The following YES1 variants were observed in gnomAD, a reference collection of about 807,000 sequenced individuals.
YES1 encodes the protein tyrosine-protein kinase Yes.
YES1 carries 39 observed loss-of-function variants against 70.4 expected under a neutral mutation model. That is an observed-to-expected ratio of 0.55 (90% CI 0.43 to 0.72). The LOEUF (loss-of-function observed/expected upper bound fraction) is 0.72. Among genes scored for constraint, YES1 ranks in the 30% least tolerant of loss-of-function variants. The probability of loss-of-function intolerance (pLI) is 0.00; values close to 1 mark genes in which losing one functional copy is unlikely to be tolerated. For synonymous variants in YES1, 198 were observed against 218.6 expected (o/e 0.91, Z 0.83); for missense variants, 495 against 644.8 (o/e 0.77, Z 2.52).
chr18:790,617 G>C (rs2145815515), intron 1 of YES1, among the ~76,000 whole-genome samples: 1 of 152,242 alleles, frequency 6.6e-6, no homozygotes, highest in East Asian at 1.9e-4. Context: ...AGCCACAGAT[G>C]ATTTGAAAAG....
chr18:733,439 G>A (rs1224188478), intron 10 of YES1, among the ~76,000 whole-genome samples: 1 of 152,072 alleles, frequency 6.6e-6, no homozygotes, highest in Non-Finnish European at 1.5e-5. Flanking sequence ...AATACTTACT[G>A]TATATCTTTT....
chr18:766,133 G>A (rs188291174), intron 1 of YES1, among the ~76,000 whole-genome samples: 1 of 152,008 alleles, frequency 6.6e-6, no homozygotes, highest in African/African-American at 2.4e-5. Context: ...TCCTTCTTAC[G>A]TTTGCCAAGT....
At chr18:774,426 G>T (rs1905282879) in intron 1 of YES1, among the ~76,000 whole-genome samples, 4 of 152,130 alleles carry the variant, frequency 2.6e-5, no homozygotes, top group Admixed American at 2.6e-4. Context: ...ACGTCTAAAA[G>T]GATTTCAAAT....
At chr18:732,157 T>G (rs76153080) in intron 11 of YES1, among the ~76,000 whole-genome samples, 17,895 of 150,296 alleles carry the variant, frequency 0.12, 1,176 homozygotes, top group East Asian at 0.28. Flanking sequence ...AAATATACCA[T>G]GATGGGCACG....
At chr18:779,239 CA>C (rs1905533759) in intron 1 of YES1, among the ~76,000 whole-genome samples, 1 of 151,612 alleles carries the variant, frequency 6.6e-6, no homozygotes, top group Non-Finnish European at 1.5e-5. Context: ...CCCGTCCCGG[CA>C]AAAAATTTTT....
chr18:774,457 A>G (rs183130352), intron 1 of YES1, among the ~76,000 whole-genome samples: 1 of 152,116 alleles, frequency 6.6e-6, no homozygotes, highest in Non-Finnish European at 1.5e-5. Flanking sequence ...CAAGAAACCT[A>G]ATCTTCCTCC....
chr18:772,013 T>C (rs1376625877), intron 1 of YES1, among the ~76,000 whole-genome samples: 1 of 151,672 alleles, frequency 6.6e-6, no homozygotes, highest in East Asian at 1.9e-4. Flanking sequence ...AGTCTGATCG[T>C]ACACCACAAA....
At chr18:756,193 A>C (rs1288295168) in intron 2 of YES1, among the ~76,000 whole-genome samples, 1 of 152,104 alleles carries the variant, frequency 6.6e-6, no homozygotes, top group Non-Finnish European at 1.5e-5. Context: ...AGACTTTAAT[A>C]CTGCAAAGTA....
At chr18:734,580 C>G (rs778089345) in intron 10 of YES1, among the ~76,000 whole-genome samples, 1 of 151,396 alleles carries the variant, frequency 6.6e-6, no homozygotes, top group African/African-American at 2.4e-5. Flanking sequence ...ACAAAAAAAA[C>G]CAGGAGCAAC....
chr18:752,095 T>G (rs575208946), intron 2 of YES1, among the ~76,000 whole-genome samples: 1 of 152,158 alleles, frequency 6.6e-6, no homozygotes, highest in Non-Finnish European at 1.5e-5. Context: ...TCTGTAGACT[T>G]GGAGAAACAA....
At chr18:793,333 C>G (rs1906372606) in intron 1 of YES1, among the ~76,000 whole-genome samples, 1 of 152,054 alleles carries the variant, frequency 6.6e-6, no homozygotes, top group Admixed American at 6.6e-5. Flanking sequence ...GCCACCGCGC[C>G]TGGCCATTAT....
chr18:742,223 A>C (rs1050284630), intron 8 of YES1, among the ~76,000 whole-genome samples: 3 of 152,180 alleles, frequency 2.0e-5, no homozygotes, highest in Non-Finnish European at 2.9e-5. Context: ...GAAAAAGAGG[A>C]AAGAGTATCA....
At chr18:745,387 TTTAC>T (rs2145713221) in intron 6 of YES1, among the ~76,000 whole-genome samples, 1 of 152,308 alleles carries the variant, frequency 6.6e-6, no homozygotes, top group South Asian at 2.1e-4. Flanking sequence ...AATGTTTAGT[TTTAC>T]TTACTAAGTG....
At chr18:795,216 C>T (rs1309764705) in intron 1 of YES1, among the ~76,000 whole-genome samples, 1 of 152,136 alleles carries the variant, frequency 6.6e-6, no homozygotes, top group Non-Finnish European at 1.5e-5. Context: ...AACTGTACTG[C>T]AGTTGTATAA....
chr18:742,913 C>T lies in YES1; in HGVS notation c.1060+5G>A, dbSNP rs1180419138. ...ACAAATACCTAAGGAGATACTAATA[C>T]ATACCTTTTGACATAAATTCAGTGA... On this transcript the variant is annotated splice_donor_5th_base_variant and intron_variant, in intron 8 of 11. Transcript: ENST00000314574. 5 of 1,579,966 alleles carry T rather than the reference C, an allele frequency of 3.2e-6. No individual in the cohort carries two copies. Among genetic ancestry groups the T allele is most frequent in the South Asian group, 2.4e-5 (2 of 82,678 alleles).
chr18:758,568 C>T (rs1904409888), intron 1 of YES1, among the ~76,000 whole-genome samples: 1 of 152,148 alleles, frequency 6.6e-6, no homozygotes, highest in African/African-American at 2.4e-5. Context: ...TTCTCCCCAC[C>T]TCTCTACCTG....
chr18:763,053 A>C (rs550922125), intron 1 of YES1, among the ~76,000 whole-genome samples: 4 of 152,338 alleles, frequency 2.6e-5, no homozygotes, highest in Middle Eastern at 6.8e-3. Flanking sequence ...AAAGAAAAGG[A>C]TATTCCAGGA....
At chr18:793,626 T>G (rs1220324556) in intron 1 of YES1, among the ~76,000 whole-genome samples, 1 of 152,162 alleles carries the variant, frequency 6.6e-6, no homozygotes, top group East Asian at 1.9e-4. Context: ...TGTGAGCCAC[T>G]GTGTCTGACC....
chr18:729,485 G>A (rs2145668757), intron 11 of YES1, among the ~76,000 whole-genome samples: 1 of 151,292 alleles, frequency 6.6e-6, no homozygotes, highest in Non-Finnish European at 1.5e-5. Flanking sequence ...TTCCAATTCT[G>A]CTCAAATTCT....
Sources: allele counts gnomAD v4.1 joint callset (sites outside exome capture counted in the v4.1 genomes callset), GRCh38; gene constraint gnomAD v4.1.1; transcripts MANE v1.5; gene names NCBI Gene and HGNC (gene_info 2026-07-23, HGNC 2026-07-21).